TEX11: variants seen among roughly 807,000 people sequenced by gnomAD.
TEX11 encodes testis expressed 11, also known as testis-expressed protein 11.
TEX11 carries 7 observed loss-of-function variants against 84.4 expected under a neutral mutation model. The ratio of observed to expected loss-of-function variants is 0.08; its 90% CI spans 0.05 to 0.16. TEX11 has a LOEUF of 0.16. Ranked by LOEUF, TEX11 falls within the 10% of genes least tolerant of loss-of-function variation. The probability of loss-of-function intolerance (pLI) is 1.00; values close to 1 mark genes in which losing one functional copy is unlikely to be tolerated. For synonymous variants in TEX11, 264 were observed against 222.8 expected, an observed-to-expected ratio of 1.18 and a Z score of -1.64; for missense variants, 551 against 660.5, an observed-to-expected ratio of 0.83 and a Z score of 1.82.
chrX:70,643,697 C>T (rs1193769122), intron 17 of TEX11, among the ~76,000 whole-genome samples: 2 of 103,363 alleles, frequency 1.9e-5, no homozygotes, highest in African/African-American at 7.1e-5. Flanking sequence ...ATAAATGGTG[C>T]TGGGAAAACT....
chrX:70,823,095 A>G (rs943305578), intron 8 of TEX11, among the ~76,000 whole-genome samples: 1 of 111,384 alleles, frequency 9.0e-6, no homozygotes, highest in Non-Finnish European at 1.9e-5. Context: ...GTCTCATTTG[A>G]AACTATATGG....
intron 9 of TEX11, among the ~76,000 whole-genome samples, chrX:70,763,900 C>T (rs979922616): frequency 2.7e-5 from 3 of 112,026 alleles, no homozygotes; most frequent in African/African-American, 9.7e-5. Flanking sequence ...TAGATGTCAA[C>T]ACCCCACTTT....
intron 2 of TEX11, among the ~76,000 whole-genome samples, chrX:70,897,146 AT>A (rs1569462919): frequency 1.6e-4 from 5 of 30,367 alleles, no homozygotes; most frequent in Non-Finnish European, 5.7e-4. Context: ...ATAGATATAT[AT>A]TATATATAAC....
intron 8 of TEX11, among the ~76,000 whole-genome samples, chrX:70,807,760 G>T (rs1039410175): frequency 9.0e-6 from 1 of 111,146 alleles, no homozygotes; most frequent in Admixed American, 9.6e-5. Flanking sequence ...CATAGCAGAA[G>T]TTCAATATGC....
At chrX:70,742,815 C>T (rs901526384) in intron 10 of TEX11, among the ~76,000 whole-genome samples, 1 of 110,380 alleles carries the variant, frequency 9.1e-6, no homozygotes, top group Non-Finnish European at 1.9e-5. Flanking sequence ...TCATTGCAGC[C>T]TCAAACTCCT....
Position 70,768,012 on chromosome X carries a change from G to A in TEX11, c.693-23793C>T, listed in dbSNP as rs974402640. On this transcript the variant is annotated intron_variant, in intron 9 of 29. Coordinates refer to ENST00000374333, the MANE Select transcript of TEX11 (RefSeq NM_031276.3). ...GGGGTGGTTTGGTGAGGGGAGGTGA[G>A]GATGATTAATGGTTATAAAAAATAG... Among the ~76,000 whole-genome samples, 4 of 110,863 alleles carry A rather than the reference G, an allele frequency of 3.6e-5. No individual in the cohort carries two copies. In the East Asian group the frequency reaches 1.1e-3, roughly 31 times the overall value.
At chrX:70,759,736 TCA>T (rs2090895473) in intron 9 of TEX11, among the ~76,000 whole-genome samples, 1 of 111,492 alleles carries the variant, frequency 9.0e-6, no homozygotes, top group African/African-American at 3.3e-5. Context: ...CCACTCCTAT[TCA>T]ACATAATGTT....
chrX:70,854,588 T>C (rs1471563470), intron 5 of TEX11, among the ~76,000 whole-genome samples: 1 of 109,020 alleles, frequency 9.2e-6, no homozygotes, highest in East Asian at 2.9e-4. Context: ...ATTTAAAAAT[T>C]CATTGGGCAT....
At chrX:70,574,993 G>A (rs764431368) in intron 25 of TEX11, among the ~76,000 whole-genome samples, 24 of 111,318 alleles carry the variant, frequency 2.2e-4, no homozygotes, top group Non-Finnish European at 3.4e-4. Flanking sequence ...GAGGCAGAGT[G>A]GCAGGAGAGG....
Position 70,853,018 on chromosome X carries a change from T to C in TEX11, c.525+16A>G. ...AAAATGCCCCACTGGAAGACCCTGG[T>C]GCCCACGATACCTACTGACTCTGCT... On this transcript the variant is annotated intron_variant, in intron 7 of 29. Transcript: ENST00000374333. 8.3e-7 allele frequency: 1 copy of C among 1,206,525 alleles called. No homozygotes were observed. The highest frequency in any genetic ancestry group is 1.8e-5 in the South Asian group (1 of 56,004).
intron 11 of TEX11, among the ~76,000 whole-genome samples, chrX:70,731,124 T>C (rs751739498): frequency 1.8e-5 from 2 of 111,742 alleles, no homozygotes; most frequent in South Asian, 3.7e-4. Context: ...AGACGCAACA[T>C]ACCAGAATCT....
At chrX:70,639,291 G>C (rs973438415) in intron 17 of TEX11, among the ~76,000 whole-genome samples, 12 of 111,904 alleles carry the variant, frequency 1.1e-4, no homozygotes, top group African/African-American at 3.2e-4. Context: ...CTCGCTGATT[G>C]CTAGCACAGC....
intron 3 of TEX11, among the ~76,000 whole-genome samples, chrX:70,877,277 G>C (rs929731066): frequency 9.3e-6 from 1 of 107,244 alleles, no homozygotes; most frequent in East Asian, 2.9e-4. Context: ...CTGGGCAACA[G>C]AGTGTGATTG....
At chrX:70,771,300 G>A (rs376790474) in intron 9 of TEX11, among the ~76,000 whole-genome samples, 1 of 112,106 alleles carries the variant, frequency 8.9e-6, no homozygotes, top group Admixed American at 9.5e-5. Context: ...ATAAGTCAAA[G>A]AAGTAATGTC....
intron 25 of TEX11, among the ~76,000 whole-genome samples, chrX:70,562,689 G>A (rs1015121844): frequency 6.3e-5 from 7 of 111,744 alleles, no homozygotes; most frequent in East Asian, 2.8e-4. Flanking sequence ...AATTGTATCC[G>A]GTAAAATCTA....
At chrX:70,739,708 C>G (rs2090721509) in intron 11 of TEX11, among the ~76,000 whole-genome samples, 1 of 111,924 alleles carries the variant, frequency 8.9e-6, no homozygotes, top group African/African-American at 3.2e-5. Context: ...CCGCACCCAG[C>G]CTGAATCTAT....
At chrX:70,859,675 A>C (rs945052858) in intron 5 of TEX11, among the ~76,000 whole-genome samples, 1 of 110,730 alleles carries the variant, frequency 9.0e-6, no homozygotes, top group African/African-American at 3.3e-5. Context: ...TTAATTTTAC[A>C]TAAACATACA....
At chrX:70,619,089 T>A (rs749147924) in intron 20 of TEX11, among the ~76,000 whole-genome samples, 1 of 111,507 alleles carries the variant, frequency 9.0e-6, no homozygotes, top group East Asian at 2.8e-4. Flanking sequence ...GACACTGGCA[T>A]GATGACAATA....
At chrX:70,711,570 G>T (rs2090434102) in intron 13 of TEX11, among the ~76,000 whole-genome samples, 1 of 111,815 alleles carries the variant, frequency 8.9e-6, no homozygotes. Context: ...CGTGTCTTTT[G>T]GCTGCACAAA....
Sources: gnomAD v4.1 joint callset for allele counts (sites outside exome capture counted in the v4.1 genomes callset) on GRCh38, gnomAD v4.1.1 for gene constraint, MANE v1.5 for transcripts, NCBI Gene and HGNC (gene_info 2026-07-23, HGNC 2026-07-21) for gene names.